Variants in PHF21A observed in about 807,000 individuals in gnomAD.
PHF21A encodes PHD finger protein 21A, also known as BHC80a.
A neutral mutation model predicts 82.5 loss-of-function variants in PHF21A; 11 were observed. The ratio of observed to expected loss-of-function variants is 0.13; its 90% confidence interval spans 0.08 to 0.22. The LOEUF is 0.22. Ranked by LOEUF, PHF21A falls within the 10% of genes least tolerant of loss-of-function variation. The pLI is 1.00. For missense variants in PHF21A, 579 were observed against 837.8 expected (o/e 0.69, Z 3.81); for synonymous variants, 297 against 302.8 (o/e 0.98, Z 0.20).
chr11:46,101,519 A>T (rs1055915305), intron 1 of PHF21A, among the ~76,000 whole-genome samples: 1 of 152,200 alleles, frequency 6.6e-6, no homozygotes, highest in East Asian at 1.9e-4. Flanking sequence ...AATGTTTTTA[A>T]ATTTCCATAA....
intron 10 of PHF21A, among the ~76,000 whole-genome samples, chr11:45,957,751 C>CAAAAAAAACAAAAAAAAAAAA (rs2092749857): frequency 1.6e-5 from 1 of 60,894 alleles, no homozygotes; most frequent in Non-Finnish European, 3.3e-5. Context: ...AAATTCAAAG[C>CAAAAAAAACAAAAAAAAAAAA]AAAAAAAAAA....
chr11:46,012,909 G>GTACT (rs2095439418), intron 6 of PHF21A, among the ~76,000 whole-genome samples: 1 of 152,082 alleles, frequency 6.6e-6, no homozygotes, highest in Admixed American at 6.6e-5. Flanking sequence ...GCACTGTCTT[G>GTACT]TACTTCTGTC....
At chr11:45,995,511 A>G (rs1012113007) in intron 6 of PHF21A, among the ~76,000 whole-genome samples, 1 of 152,264 alleles carries the variant, frequency 6.6e-6, no homozygotes, top group Non-Finnish European at 1.5e-5. Context: ...ATAAAAGATC[A>G]GAGCACTTGT....
intron 1 of PHF21A, among the ~76,000 whole-genome samples, chr11:46,113,173 T>G (rs184828216): frequency 2.6e-4 from 40 of 152,360 alleles, no homozygotes; most frequent in African/African-American, 7.0e-4. Context: ...AATCTGAAGT[T>G]AAGCAAAAAC....
intron 6 of PHF21A, among the ~76,000 whole-genome samples, chr11:45,987,251 A>ATGTATGT (rs375980932): frequency 1.5e-4 from 22 of 148,446 alleles, no homozygotes; most frequent in African/African-American, 5.2e-4. Flanking sequence ...ATCATAAATA[A>ATGTATGT]ATGTATGTAT....
rs76227468 is a variant in PHF21A at position 45,999,493 on chromosome 11, T to C, written c.154-19527A>G. Among the ~76,000 whole-genome samples, 788 of 152,332 alleles carry C rather than the reference T, an allele frequency of 5.2e-3. 48 individuals carry two copies. The East Asian group carries it at 0.13, about 26-fold the overall frequency. Reference sequence around the variant, plus strand: ...TCTTTACATTTAGAAGACTGTTCCTTGAGACTAGAAAGTAGAATTATTCTA... The same window carrying C: ...TCTTTACATTTAGAAGACTGTTCCTCGAGACTAGAAAGTAGAATTATTCTA... On this transcript the variant is annotated intron_variant, in intron 6 of 18. Transcript: ENST00000676320.
intron 15 of PHF21A, among the ~76,000 whole-genome samples, chr11:45,942,626 A>T (rs774195293): frequency 1.3e-5 from 2 of 152,232 alleles, no homozygotes; most frequent in African/African-American, 2.4e-5. Flanking sequence ...AGAATGATGA[A>T]TCTGTAACCA....
chr11:46,068,766 T>C (rs2096623793), intron 6 of PHF21A, among the ~76,000 whole-genome samples: 2 of 152,188 alleles, frequency 1.3e-5, no homozygotes, highest in South Asian at 4.1e-4. Flanking sequence ...TCAATTTGAA[T>C]TTTAAAAGTC....
chr11:45,941,269 T>G (rs1270144946), intron 15 of PHF21A, among the ~76,000 whole-genome samples: 1 of 152,174 alleles, frequency 6.6e-6, no homozygotes, highest in East Asian at 1.9e-4. Context: ...CGGCTAATTT[T>G]TTTATTTTTT....
chr11:46,089,399 T>G (rs1448544667), intron 3 of PHF21A, among the ~76,000 whole-genome samples: 2 of 152,132 alleles, frequency 1.3e-5, no homozygotes, highest in East Asian at 3.8e-4. Context: ...AACTTTAACA[T>G]TTATTAACAT....
chr11:46,110,649 T>C (rs1338132563), intron 1 of PHF21A, among the ~76,000 whole-genome samples: 4 of 152,238 alleles, frequency 2.6e-5, no homozygotes, highest in Non-Finnish European at 5.9e-5. Context: ...ATTTATTTCA[T>C]TTTAATATTA....
Position 45,934,047 on chromosome 11 carries a change from G to A in PHF21A, c.1967C>T (p.Ala656Val). The A allele has an allele frequency of 6.2e-7, 1 of 1,613,440 alleles. No homozygotes were observed. The highest frequency in any genetic ancestry group is 1.7e-5 in the Admixed American group (1 of 59,920). Residue 656 changes from alanine (A) to valine (V), a missense_variant, in exon 19 of 19, where the codon GCC (alanine) becomes GTC (valine). By Grantham distance (64) the Ala-to-Val change is moderately conservative. This residue lies in a region of PHF21A where 157 missense variants were observed against 149.4 expected (regional missense o/e 1.05). Transcript: ENST00000676320. ...NGPDCTPPAN[A>V]ATSTPAPSPS... Reference sequence around the variant, plus strand: ...GGAAGGGGCCGGCGTGGAGGTGGCGGCATTGGCAGGGGGGGTGCAGTCCGG... The same window carrying A: ...GGAAGGGGCCGGCGTGGAGGTGGCGACATTGGCAGGGGGGGTGCAGTCCGG...
chr11:45,949,351 C>T, intron 13 of PHF21A, 51 bp downstream of exon 13: 1 of 1,464,592 alleles, frequency 6.8e-7, no homozygotes, highest in Non-Finnish European at 9.6e-7. Flanking sequence ...CTGAACAGCT[C>T]ATAAATAAAA....
intron 1 of PHF21A, among the ~76,000 whole-genome samples, chr11:46,104,123 C>T (rs1351627699): frequency 2.0e-5 from 3 of 152,082 alleles, no homozygotes; most frequent in Non-Finnish European, 4.4e-5. Context: ...AGGCAAAATG[C>T]CCAAAATCAG....
At chr11:45,980,017 C>G (rs1187938843) in intron 6 of PHF21A, 51 bp from the exon 7 acceptor site, 1 of 1,610,704 alleles carries the variant, frequency 6.2e-7, no homozygotes. Context: ...ACTGCTCTAT[C>G]AGCTGCACAG....
chr11:46,049,376 G>T (rs1420654648), intron 6 of PHF21A: 2 of 452,302 alleles, frequency 4.4e-6, no homozygotes, highest in Non-Finnish European at 8.9e-6. Context: ...GATCCATTAG[G>T]TTGAACCCGG....
intron 6 of PHF21A, among the ~76,000 whole-genome samples, chr11:45,998,643 G>A (rs1457640968): frequency 6.6e-6 from 1 of 151,338 alleles, no homozygotes; most frequent in Non-Finnish European, 1.5e-5. Context: ...CTCCCGAGTA[G>A]CTGGGATTAC....
intron 6 of PHF21A, among the ~76,000 whole-genome samples, chr11:46,052,039 T>C (rs1000721674): frequency 1.3e-5 from 2 of 152,136 alleles, no homozygotes; most frequent in African/African-American, 2.4e-5. Context: ...TAGTCAATAG[T>C]CAAGGTTGAG....
chr11:46,012,037 T>C (rs1448819436), intron 6 of PHF21A, among the ~76,000 whole-genome samples: 1 of 152,126 alleles, frequency 6.6e-6, no homozygotes, highest in Non-Finnish European at 1.5e-5. Flanking sequence ...TCTACTATGT[T>C]CTCCCTCACA....
Sources: allele counts gnomAD v4.1 joint callset (sites outside exome capture counted in the v4.1 genomes callset), GRCh38; gene constraint gnomAD v4.1.1; regional missense constraint gnomAD v4.1.1; transcripts MANE v1.5; gene names NCBI Gene and HGNC (gene_info 2026-07-23, HGNC 2026-07-21).